PCLO: variants seen among roughly 807,000 people sequenced by gnomAD.
PCLO encodes protein piccolo.
In PCLO, 82 loss-of-function variants were observed where a neutral mutation model predicts 427.5. The observed-to-expected ratio is 0.19, with a 90% confidence interval of 0.16 to 0.23. The LOEUF (loss-of-function observed/expected upper bound fraction) is 0.23. Among genes scored for constraint, PCLO ranks in the 10% least tolerant of loss-of-function variants. The pLI is 1.00. For synonymous variants in PCLO, 2,357 were observed against 2,155.4 expected, an observed-to-expected ratio of 1.09 and a Z score of -2.59; for missense variants, 6,239 against 6,115.9, an observed-to-expected ratio of 1.02 and a Z score of -0.67.
At chr7:82,825,534 G>A (rs180921047) in intron 18 of PCLO, among the ~76,000 whole-genome samples, 150 of 151,452 alleles carry the variant, frequency 9.9e-4, no homozygotes, top group African/African-American at 3.5e-3. Flanking sequence ...GTATTTTGTA[G>A]GTTTTGGATT....
intron 3 of PCLO, among the ~76,000 whole-genome samples, chr7:83,032,502 C>T (rs1788697495): frequency 6.9e-6 from 1 of 145,872 alleles, no homozygotes; most frequent in Non-Finnish European, 1.5e-5. Context: ...TGCTTCACTT[C>T]CTTCCTTCCC....
chr7:83,106,931 T>C (rs937027338), intron 3 of PCLO, among the ~76,000 whole-genome samples: 1 of 149,896 alleles, frequency 6.7e-6, no homozygotes, highest in Non-Finnish European at 1.5e-5. Context: ...ATTTAATCAA[T>C]ATGATCTAAT....
chr7:83,071,021 T>TG (rs1562949615), intron 3 of PCLO, among the ~76,000 whole-genome samples: 7 of 152,114 alleles, frequency 4.6e-5, no homozygotes, highest in African/African-American at 1.7e-4. Context: ...ATTTTTTTTT[T>TG]TGGATTTGAA....
At chr7:83,062,645 A>G (rs1224662771) in intron 3 of PCLO, among the ~76,000 whole-genome samples, 4 of 152,122 alleles carry the variant, frequency 2.6e-5, no homozygotes, top group Non-Finnish European at 4.4e-5. Flanking sequence ...CAGATTCAAT[A>G]CCACCCTATT....
At chr7:83,044,282 A>G (rs1464673775) in intron 3 of PCLO, among the ~76,000 whole-genome samples, 2 of 152,166 alleles carry the variant, frequency 1.3e-5, no homozygotes, top group Non-Finnish European at 2.9e-5. Context: ...GGCGATTACA[A>G]TTGGAGATAA....
At chr7:82,813,749 A>G (rs1187260867) in intron 20 of PCLO, among the ~76,000 whole-genome samples, 1 of 151,818 alleles carries the variant, frequency 6.6e-6, no homozygotes, top group Non-Finnish European at 1.5e-5. Flanking sequence ...TGATGACCTA[A>G]TAAAAGTAAT....
At chr7:82,805,561 A>C (rs1791439825) in intron 21 of PCLO, 127 bp downstream of exon 21, 6 of 783,824 alleles carry the variant, frequency 7.7e-6, no homozygotes, top group Non-Finnish European at 1.0e-5. Context: ...AGGCATTAAC[A>C]GTTCAAGTGT....
intron 3 of PCLO, among the ~76,000 whole-genome samples, chr7:83,043,976 C>A (rs1789040825): frequency 2.1e-5 from 2 of 94,280 alleles, no homozygotes; most frequent in Non-Finnish European, 3.9e-5. Flanking sequence ...TGTATTAGTT[C>A]ATTCTCACAC....
rs147074191 is a variant in PCLO at position 83,158,521 on chromosome 7, C to CAAA, written c.249-2132_249-2130dup. On this transcript the variant is annotated intron_variant, in intron 1 of 24. Transcript: ENST00000333891. The stretch of plus-strand genomic sequence containing the variant: ...ATAAATCTAACTTTAAGCAGAGTAC[C>CAAA]AAAAAAAAAATCTACCTTAATTATA... Among the ~76,000 whole-genome samples, 184 of 148,830 alleles carry CAAA rather than the reference C, an allele frequency of 1.2e-3. 1 individual carries two copies. Among genetic ancestry groups the CAAA allele is most frequent in the African/African-American group, 2.0e-3 (81 of 40,746 alleles).
rs565806813 is a variant in PCLO at position 82,968,922 on chromosome 7, C to A, written c.3301-2435G>T. ...AAACGAAATACAGGTGGGTATTAAG[C>A]ATCTCCATAGGCTATGTTCTAATAT... On this transcript the variant is annotated intron_variant, in intron 3 of 24. Transcript: ENST00000333891. Among the ~76,000 whole-genome samples, 24 of 152,238 alleles carry A rather than the reference C, an allele frequency of 1.6e-4. 1 individual carries two copies. The highest frequency in any genetic ancestry group is 5.8e-4 in the African/African-American group (24 of 41,542).
At chr7:83,040,947 A>C (rs563483685) in intron 3 of PCLO, among the ~76,000 whole-genome samples, 1 of 152,192 alleles carries the variant, frequency 6.6e-6, no homozygotes, top group Non-Finnish European at 1.5e-5. Context: ...AAAATAAAAA[A>C]TTTTAAAAGG....
chr7:82,868,515 C>T (rs13233504), intron 10 of PCLO, among the ~76,000 whole-genome samples: 25,993 of 152,138 alleles, frequency 0.17, 2,600 homozygotes, highest in Middle Eastern at 0.22. Context: ...TTTCACTCAC[C>T]TACTCTGAAA....
intron 10 of PCLO, among the ~76,000 whole-genome samples, chr7:82,872,598 T>C (rs1424154575): frequency 7.9e-5 from 12 of 152,146 alleles, no homozygotes; most frequent in African/African-American, 2.9e-4. Context: ...ACAAGATTGA[T>C]AGTCATTATA....
chr7:83,028,189 A>G (rs1788556694), intron 3 of PCLO, among the ~76,000 whole-genome samples: 1 of 152,118 alleles, frequency 6.6e-6, no homozygotes, highest in South Asian at 2.1e-4. Context: ...AGATGACATG[A>G]TTGTATATCT....
chr7:82,811,977 C>T (rs945157313), intron 20 of PCLO, among the ~76,000 whole-genome samples: 2 of 151,206 alleles, frequency 1.3e-5, no homozygotes, highest in African/African-American at 4.8e-5. Context: ...TATGACAAGT[C>T]ATGAGAAATG....
intron 10 of PCLO, among the ~76,000 whole-genome samples, chr7:82,856,944 T>A (rs1792823689): frequency 6.6e-6 from 1 of 151,884 alleles, no homozygotes; most frequent in Non-Finnish European, 1.5e-5. Flanking sequence ...CAAAAGTGAG[T>A]TCCAGATACA....
At chr7:83,141,705 T>C (rs1379603433) in intron 2 of PCLO, among the ~76,000 whole-genome samples, 1 of 152,174 alleles carries the variant, frequency 6.6e-6, no homozygotes, top group Admixed American at 6.5e-5. Context: ...GTAATACAAG[T>C]TCATTGGCTA....
chr7:82,856,847 G>T (rs1022129660), intron 10 of PCLO, among the ~76,000 whole-genome samples: 1 of 152,044 alleles, frequency 6.6e-6, no homozygotes, highest in African/African-American at 2.4e-5. Context: ...TATGGTATTG[G>T]GGGGTGGGTA....
chr7:83,028,974 C>T (rs1288770318), intron 3 of PCLO, among the ~76,000 whole-genome samples: 1 of 152,090 alleles, frequency 6.6e-6, no homozygotes. Flanking sequence ...GGATTAAAGA[C>T]TTAAACGTCA....
Sources: allele counts gnomAD v4.1 joint callset (sites outside exome capture counted in the v4.1 genomes callset), GRCh38; gene constraint gnomAD v4.1.1; transcripts MANE v1.5; gene names NCBI Gene and HGNC (gene_info 2026-07-23, HGNC 2026-07-21).